BAZ2B: variants seen among roughly 807,000 people sequenced by gnomAD.
BAZ2B encodes the protein bromodomain adjacent to zinc finger domain 2B.
In BAZ2B, 91 loss-of-function variants were observed where a neutral mutation model predicts 246.0. The observed-to-expected ratio is 0.37, with a 90% CI of 0.31 to 0.44. BAZ2B has a LOEUF of 0.44. Among genes scored for constraint, BAZ2B ranks in the 20% least tolerant of loss-of-function variants. The pLI is 1.00. For missense variants in BAZ2B, 2,332 were observed against 2,533.7 expected (o/e 0.92, Z 1.71); for synonymous variants, 855 against 860.0 (o/e 0.99, Z 0.10).
intron 2 of BAZ2B, among the ~76,000 whole-genome samples, chr2:159,520,907 T>G (rs2084055713): frequency 6.6e-6 from 1 of 152,170 alleles, no homozygotes; most frequent in Non-Finnish European, 1.5e-5. Context: ...AACATAAAAT[T>G]TATGAAGCTT....
At chr2:159,450,142 A>C (rs1276643394) in intron 4 of BAZ2B, among the ~76,000 whole-genome samples, 2 of 152,228 alleles carry the variant, frequency 1.3e-5, no homozygotes, top group African/African-American at 4.8e-5. Flanking sequence ...ATCAAAGTGT[A>C]ATAAGACTCA....
At chr2:159,551,075 C>T (rs944365442) in intron 2 of BAZ2B, among the ~76,000 whole-genome samples, 2 of 152,114 alleles carry the variant, frequency 1.3e-5, no homozygotes, top group Admixed American at 6.5e-5. Flanking sequence ...AGGGCTCAAG[C>T]AATCCCCCCT....
chr2:159,522,174 T>C (rs1419282078), intron 2 of BAZ2B, among the ~76,000 whole-genome samples: 1 of 152,112 alleles, frequency 6.6e-6, no homozygotes, highest in African/African-American at 2.4e-5. Context: ...ATTTATGATT[T>C]AGTTACAATC....
intron 4 of BAZ2B, among the ~76,000 whole-genome samples, 161 bp downstream of exon 4, chr2:159,453,452 T>C (rs1462084543): frequency 6.6e-6 from 1 of 152,200 alleles, no homozygotes; most frequent in East Asian, 1.9e-4. Context: ...TTAGGGTGTT[T>C]AATTTTTTGC....
chr2:159,662,353 T>G, the BAZ2B span, among the ~76,000 whole-genome samples: 1 of 152,226 alleles, frequency 6.6e-6, no homozygotes, highest in African/African-American at 2.4e-5. Flanking sequence ...GGTATATACC[T>G]AAATGTAGAA....
intron 20 of BAZ2B, chr2:159,392,352 GT>G (rs145362499): frequency 0.023 from 3,364 of 148,118 alleles, 81 homozygotes; most frequent in East Asian, 0.1. Flanking sequence ...TATAAAGCCT[GT>G]TTTTTTTTTA....
chr2:159,336,100 G>C (rs1409714696), intron 33 of BAZ2B, among the ~76,000 whole-genome samples: 3 of 152,142 alleles, frequency 2.0e-5, no homozygotes, highest in Non-Finnish European at 4.4e-5. Flanking sequence ...GGCAGAGGTT[G>C]CAGTGAGCCA....
intron 16 of BAZ2B, among the ~76,000 whole-genome samples, chr2:159,403,143 A>G (rs1416926092): frequency 6.6e-6 from 1 of 151,954 alleles, no homozygotes; most frequent in Admixed American, 6.6e-5. Context: ...CCAAAGGATG[A>G]AAACACATGT....
chr2:159,669,978 T>C, the BAZ2B span, among the ~76,000 whole-genome samples: 1 of 151,984 alleles, frequency 6.6e-6, no homozygotes, highest in Admixed American at 6.6e-5. Flanking sequence ...TTCTTTCCTC[T>C]TTTTTTTCTT....
chr2:159,354,420 G>A (rs1050530822), intron 27 of BAZ2B, among the ~76,000 whole-genome samples: 5 of 151,854 alleles, frequency 3.3e-5, no homozygotes, highest in Admixed American at 1.3e-4. Context: ...GCATAATCTC[G>A]GTTCACTGCA....
chr2:159,423,491 C>A (rs2069170903), intron 13 of BAZ2B, among the ~76,000 whole-genome samples: 1 of 152,102 alleles, frequency 6.6e-6, no homozygotes, highest in Non-Finnish European at 1.5e-5. Flanking sequence ...ACAGAACTAC[C>A]ATTAGACCCA....
Position 159,382,673 on chromosome 2 carries a change from A to G in BAZ2B, c.3891T>C (p.Ser1297=). Residue 1297 remains serine, a synonymous_variant, in exon 25 of 37, where the codon AGT becomes AGC. Transcript: ENST00000392783. ...GRKRRRKGGD[S]DYDDDDDDDS... ...CATCGTCATCATCATCGTCATAATC[A>G]CTGTCTCCTCCCTTCCTTCTTCGCT... is the stretch of plus-strand genomic sequence containing the variant. 3 of 1,608,296 alleles carry G rather than the reference A, an allele frequency of 1.9e-6. No individual in the cohort carries two copies. The highest frequency in any genetic ancestry group is 2.2e-5 in the East Asian group (1 of 44,680).
chr2:159,412,125 G>A, intron 14 of BAZ2B: 1 of 344,586 alleles, frequency 2.9e-6, no homozygotes, highest in Non-Finnish European at 4.1e-6. Context: ...CACAGGATAG[G>A]ATGTGTTTAT....
intron 1 of BAZ2B, among the ~76,000 whole-genome samples, chr2:159,578,138 A>G (rs988075766): frequency 6.6e-6 from 1 of 152,200 alleles, no homozygotes; most frequent in Non-Finnish European, 1.5e-5. Flanking sequence ...TTCAGGAAAG[A>G]GTACTAAATG....
chr2:159,688,021 A>G, the BAZ2B span, among the ~76,000 whole-genome samples: 1 of 152,184 alleles, frequency 6.6e-6, no homozygotes, highest in Non-Finnish European at 1.5e-5. Flanking sequence ...AAATTATTAT[A>G]AAGTAAAAGT....
At chr2:159,433,571 T>C (rs2071553709) in intron 8 of BAZ2B, 1 of 449,728 alleles carries the variant, frequency 2.2e-6, no homozygotes, top group African/African-American at 2.0e-5. Context: ...ATTTAGTTTT[T>C]CCCCATTAAA....
At chr2:159,636,570 G>A in the BAZ2B span, among the ~76,000 whole-genome samples, 3 of 152,222 alleles carry the variant, frequency 2.0e-5, no homozygotes, top group Non-Finnish European at 4.4e-5. Context: ...ACCACTGTGG[G>A]CTGAAGTGCT....
chr2:159,475,226 A>G (rs1342457183), intron 3 of BAZ2B, among the ~76,000 whole-genome samples: 1 of 151,874 alleles, frequency 6.6e-6, no homozygotes, highest in Admixed American at 6.6e-5. Context: ...ACATAGTCCT[A>G]TATTTCTTGG....
intron 7 of BAZ2B, 43 bp from the exon 8 acceptor site, chr2:159,438,738 G>T: frequency 6.6e-7 from 1 of 1,521,986 alleles, no homozygotes; most frequent in South Asian, 1.3e-5. Context: ...CATCTATTAA[G>T]ACAAAGACTA....
Sources: gnomAD v4.1 joint callset for allele counts (sites outside exome capture counted in the v4.1 genomes callset) on GRCh38, gnomAD v4.1.1 for gene constraint, MANE v1.5 for transcripts, NCBI Gene and HGNC (gene_info 2026-07-23, HGNC 2026-07-21) for gene names.